The following ASIC2 variants were observed in gnomAD, a reference collection of about 807,000 sequenced individuals.
ASIC2 encodes the protein acid-sensing ion channel 2.
ASIC2 carries 25 observed loss-of-function variants against 57.3 expected under a neutral mutation model. That is an observed-to-expected ratio of 0.44 (90% CI 0.32 to 0.61). The LOEUF (loss-of-function observed/expected upper bound fraction) is 0.61, where lower values mean the gene tolerates loss of function less well. ASIC2 is among the 20% of genes least tolerant of loss of function. ASIC2 has a pLI of 0.06. For synonymous variants in ASIC2, 319 were observed against 307.5 expected, an observed-to-expected ratio of 1.04 and a Z score of -0.39; for missense variants, 641 against 738.1, an observed-to-expected ratio of 0.87 and a Z score of 1.52.
At chr17:33,999,776 G>C (rs1477746994) in intron 1 of ASIC2, among the ~76,000 whole-genome samples, 2 of 151,886 alleles carry the variant, frequency 1.3e-5, no homozygotes. Context: ...TTTTATATTA[G>C]TGTTAAAAGT....
intron 1 of ASIC2, among the ~76,000 whole-genome samples, chr17:33,961,890 G>C (rs149898780): frequency 6.6e-6 from 1 of 152,324 alleles, no homozygotes; most frequent in Non-Finnish European, 1.5e-5. Context: ...CTGGGAAGAA[G>C]TAAGAACAAG....
intron 1 of ASIC2, among the ~76,000 whole-genome samples, chr17:33,858,190 C>T (rs941231338): frequency 1.3e-5 from 2 of 152,230 alleles, no homozygotes; most frequent in African/African-American, 4.8e-5. Context: ...CCTTAGGTCA[C>T]CTACCCAGAG....
intron 1 of ASIC2, among the ~76,000 whole-genome samples, chr17:33,378,043 G>A (rs77428662): frequency 1.3e-5 from 2 of 152,192 alleles, no homozygotes; most frequent in East Asian, 3.9e-4. Flanking sequence ...GGCACAAGGT[G>A]GCACTGGATA....
chr17:33,067,265 C>G (rs187587535), intron 3 of ASIC2, among the ~76,000 whole-genome samples: 1 of 152,268 alleles, frequency 6.6e-6, no homozygotes, highest in East Asian at 1.9e-4. Flanking sequence ...ATTAATAACT[C>G]GTGTACCAAG....
At chr17:33,020,029 G>A (rs1400287758) in intron 7 of ASIC2, among the ~76,000 whole-genome samples, 1 of 152,086 alleles carries the variant, frequency 6.6e-6, no homozygotes, top group Non-Finnish European at 1.5e-5. Flanking sequence ...AAGGGAATGA[G>A]TCTCTTGGCT....
At chr17:34,035,632 A>C (rs1040944432) in intron 1 of ASIC2, among the ~76,000 whole-genome samples, 10 of 152,212 alleles carry the variant, frequency 6.6e-5, no homozygotes, top group African/African-American at 2.4e-4. Flanking sequence ...CAACCTACTC[A>C]TCTGACAAAG....
At chr17:33,921,608 T>C (rs1362918422) in intron 1 of ASIC2, among the ~76,000 whole-genome samples, 1 of 151,952 alleles carries the variant, frequency 6.6e-6, no homozygotes, top group Non-Finnish European at 1.5e-5. Context: ...GGGGTGCACG[T>C]GGAGAATTCC....
chr17:33,565,544 T>A (rs1916206895), intron 1 of ASIC2, among the ~76,000 whole-genome samples: 1 of 152,156 alleles, frequency 6.6e-6, no homozygotes, highest in African/African-American at 2.4e-5. Flanking sequence ...GCCTTACCAG[T>A]GCCCATGCAC....
intron 9 of ASIC2, among the ~76,000 whole-genome samples, chr17:33,015,108 GAC>G (rs2091798888): frequency 6.6e-6 from 1 of 152,190 alleles, no homozygotes; most frequent in South Asian, 2.1e-4. Flanking sequence ...AAGATTTGTA[GAC>G]AGTGTGTGGA....
At chr17:34,119,543 G>A (rs12942625) in intron 1 of ASIC2, among the ~76,000 whole-genome samples, 7,145 of 151,914 alleles carry the variant, frequency 0.047, 534 homozygotes, top group African/African-American at 0.15. Flanking sequence ...CCTCATGCCT[G>A]AATGTGACTC....
intron 1 of ASIC2, among the ~76,000 whole-genome samples, chr17:33,173,897 A>AT (rs1486322477): frequency 1.3e-5 from 2 of 152,180 alleles, no homozygotes; most frequent in Non-Finnish European, 2.9e-5. Flanking sequence ...CTGTTGGCTA[A>AT]TTCCTGTGTT....
chr17:33,650,443 G>T (rs867876810), intron 1 of ASIC2, among the ~76,000 whole-genome samples: 98 of 152,210 alleles, frequency 6.4e-4, no homozygotes, highest in African/African-American at 2.2e-3. Flanking sequence ...CTAAACACAC[G>T]ACTACCATAT....
At chr17:33,705,989 A>G (rs935503059) in intron 1 of ASIC2, among the ~76,000 whole-genome samples, 2 of 152,110 alleles carry the variant, frequency 1.3e-5, no homozygotes, top group African/African-American at 4.8e-5. Context: ...AAGTGCATGT[A>G]TACGTTATAT....
intron 1 of ASIC2, among the ~76,000 whole-genome samples, chr17:33,613,558 G>A (rs1402486150): frequency 1.3e-5 from 2 of 151,802 alleles, no homozygotes; most frequent in African/African-American, 2.4e-5. Context: ...TCGTAGAGAC[G>A]GGTTTTCACC....
At chr17:33,078,070 T>A (rs551138700) in intron 3 of ASIC2, among the ~76,000 whole-genome samples, 1 of 152,170 alleles carries the variant, frequency 6.6e-6, no homozygotes, top group Non-Finnish European at 1.5e-5. Flanking sequence ...AACGTGACAC[T>A]GGGCAGCAGG....
At chr17:33,015,898 C>T in intron 9 of ASIC2, 73 bp downstream of exon 9, 1 of 1,537,470 alleles carries the variant, frequency 6.5e-7, no homozygotes, top group Non-Finnish European at 9.0e-7. Context: ...CTGCCCGGCC[C>T]CAGCATCTGG....
chr17:33,754,083 G>C (rs547478752), intron 1 of ASIC2, among the ~76,000 whole-genome samples: 1 of 152,002 alleles, frequency 6.6e-6, no homozygotes, highest in Non-Finnish European at 1.5e-5. Flanking sequence ...GGTGGGAAGG[G>C]GTACTGATTC....
intron 1 of ASIC2, among the ~76,000 whole-genome samples, chr17:33,472,885 C>A (rs1913101361): frequency 6.6e-6 from 1 of 152,162 alleles, no homozygotes. Flanking sequence ...GACTTCTAAT[C>A]CTGGCCTCAA....
In ASIC2 at chr17:33,292,647, C is replaced by T. The variant is rs990945818; in HGVS notation, c.-532G>A. The T allele has an allele frequency of 1.0e-5, 10 of 985,696 alleles. No homozygotes were observed. Among genetic ancestry groups the T allele is most frequent in the Non-Finnish European group, 1.1e-5 (9 of 830,156 alleles). 61.1% of individuals were successfully genotyped at this position (985,696 alleles called of 1,614,324 possible). A position where few individuals can be genotyped will look rare whatever the true frequency, so the allele number is the denominator to read the frequency against. On this transcript the variant is annotated 5_prime_UTR_variant, in exon 1 of 10. The change creates a new upstream start codon in the 5' untranslated region. Transcript: ENST00000225823. ...CCCGTAGCCCAGCGGTGCTGGGACA[C>T]GGGAGAGAAGGCGCCAAGGAACGAG... is the stretch of plus-strand genomic sequence containing the variant.
Sources: gnomAD v4.1 joint callset for allele counts (sites outside exome capture counted in the v4.1 genomes callset) on GRCh38, gnomAD v4.1.1 for gene constraint, MANE v1.5 for transcripts, NCBI Gene and HGNC (gene_info 2026-07-23, HGNC 2026-07-21) for gene names.